The following FAM83F variants were observed in gnomAD, a reference collection of about 807,000 sequenced individuals.
FAM83F encodes protein FAM83F.
A neutral mutation model predicts 42.9 loss-of-function variants in FAM83F; 45 were observed. The ratio of observed to expected loss-of-function variants is 1.05; its 90% confidence interval spans 0.83 to 1.35. The LOEUF (loss-of-function observed/expected upper bound fraction) is 1.35. FAM83F is among the 40% of genes most tolerant of loss of function. FAM83F has a pLI of 0.00. For missense variants in FAM83F, 617 were observed against 695.9 expected (o/e 0.89, Z 1.28); for synonymous variants, 306 against 298.3 (o/e 1.03, Z -0.27).
chr22:40,028,857 A>C (rs1428224264), intron 4 of FAM83F, among the ~76,000 whole-genome samples: 1 of 152,196 alleles, frequency 6.6e-6, no homozygotes, highest in Non-Finnish European at 1.5e-5. Context: ...CTGAGGCGCC[A>C]GCTTTCCTTC....
chr22:40,021,610 CG>C lies in FAM83F; in HGVS notation c.1102del (p.Ala368ProfsTer8). Reference sequence around the variant, plus strand: ...GAGGAGGGCGCCAGCGGTGGCGAGTCGGCCTGGCGCCTGGAGAGCTTCCTGA... The same window carrying C: ...GAGGAGGGCGCCAGCGGTGGCGAGTCGCCTGGCGCCTGGAGAGCTTCCTGA... The part of the protein sequence containing the change: ...GQEEGASGGE[S>X]AWRLESFLKD... On this transcript the variant is annotated frameshift_variant, in exon 4 of 5. Coordinates refer to ENST00000333407, the MANE Select transcript of FAM83F (RefSeq NM_138435.4). LOFTEE classifies it high-confidence loss of function. This position sits in a 1 kb window ranked among gnomAD's most constrained non-coding sequence, Gnocchi z 8.7. The C allele has an allele frequency of 6.3e-7, 1 of 1,582,626 alleles. No individual in the cohort carries two copies. Among genetic ancestry groups the C allele is most frequent in the Non-Finnish European group, 8.6e-7 (1 of 1,159,382 alleles).
chr22:39,997,061 T>C (rs1039248842), intron 1 of FAM83F, among the ~76,000 whole-genome samples: 8 of 152,228 alleles, frequency 5.3e-5, no homozygotes, highest in African/African-American at 1.9e-4. Context: ...CGGGTGAATA[T>C]GTGTTTTCCT....
chr22:40,040,830 C>T lies in FAM83F; in HGVS notation c.*11265C>T, dbSNP rs1417477349. The T allele has an allele frequency of 6.6e-6, 1 of 152,184 alleles. No individual in the cohort carries two copies. The highest frequency in any genetic ancestry group is 1.5e-5 in the Non-Finnish European group (1 of 68,026). The allele number at this position is 152,184 out of a possible 1,614,324, so 9.4% of individuals were successfully genotyped here. The stretch of plus-strand genomic sequence containing the variant: ...GGGATCTTCCCATTGTTATAAGCTT[C>T]AAGAATTGGAGAATGCTTAATGAAC... On this transcript the variant is annotated 3_prime_UTR_variant, in exon 5 of 5. Transcript: ENST00000333407.
At position 40,042,696 on chromosome 22, in the gene FAM83F, GTAAT is replaced by G. The variant is rs1165659676; in HGVS notation, c.*13134_*13137del. The G allele has an allele frequency of 2.6e-5, 4 of 152,306 alleles. No homozygotes were observed. Among genetic ancestry groups the G allele is most frequent in the East Asian group, 1.9e-4 (1 of 5,188 alleles). 9.4% of individuals were successfully genotyped at this position (152,306 alleles called of 1,614,324 possible). A position where few individuals can be genotyped will look rare whatever the true frequency, so the allele number is the denominator to read the frequency against. ...GACATGCTCACTAAACATTTACTGA[GTAAT>G]TATTTATTTGGGGGCCTTTTACGAT... On this transcript the variant is annotated 3_prime_UTR_variant, in exon 5 of 5. Transcript: ENST00000333407.
chr22:40,001,102 C>T (rs9623103), intron 1 of FAM83F, among the ~76,000 whole-genome samples: 2,781 of 152,300 alleles, frequency 0.018, 86 homozygotes, highest in African/African-American at 0.063. Flanking sequence ...AAGCCCTGGA[C>T]GAATTGGCTA....
chr22:40,025,105 C>T (rs2067544312), intron 4 of FAM83F, among the ~76,000 whole-genome samples: 1 of 152,236 alleles, frequency 6.6e-6, no homozygotes, highest in Non-Finnish European at 1.5e-5. Flanking sequence ...CACAGAGCAG[C>T]CTCAGTGGAG....
intron 1 of FAM83F, among the ~76,000 whole-genome samples, chr22:40,014,131 CTTT>C (rs57224519): frequency 1.7e-5 from 2 of 116,812 alleles, no homozygotes; most frequent in African/African-American, 6.7e-5. Context: ...TATTTCTTTT[CTTT>C]TTTTTTTTTT....
Position 40,036,114 on chromosome 22 carries a change from A to G in FAM83F, c.*6549A>G, listed in dbSNP as rs926560192. On this transcript the variant is annotated 3_prime_UTR_variant, in exon 5 of 5. Coordinates refer to ENST00000333407, the MANE Select transcript of FAM83F (RefSeq NM_138435.4). Reference sequence around the variant, plus strand: ...CTGCAGCCTCAAACTCCTGGGCTCAATGAGTTCCTTGAGATCTTCCATCCT... The same window carrying G: ...CTGCAGCCTCAAACTCCTGGGCTCAGTGAGTTCCTTGAGATCTTCCATCCT... 1 of 152,122 alleles carries G rather than the reference A, an allele frequency of 6.6e-6. No individual in the cohort carries two copies. 9.4% of individuals were successfully genotyped at this position (152,122 alleles called of 1,614,324 possible).
intron 1 of FAM83F, among the ~76,000 whole-genome samples, chr22:39,999,552 GGTCTT>G (rs2067387896): frequency 6.6e-6 from 1 of 152,138 alleles, no homozygotes; most frequent in Non-Finnish European, 1.5e-5. Context: ...CGTAAGGCAG[GGTCTT>G]GTCTTCATTA....
rs1052291683 is a variant in FAM83F at position 40,035,536 on chromosome 22, T to C, written c.*5971T>C. 13 of 152,286 alleles carry C rather than the reference T, an allele frequency of 8.5e-5. No individual in the cohort carries two copies. The highest frequency in any genetic ancestry group is 3.1e-4 in the African/African-American group (13 of 41,462). 9.4% of individuals were successfully genotyped at this position (152,286 alleles called of 1,614,324 possible). ...ACCCATTTATTCATCCGGTGGATATTTGCTGGGTGCCCGGCCTGGGGATCC... is the reference window on the plus strand; with the variant it reads ...ACCCATTTATTCATCCGGTGGATATCTGCTGGGTGCCCGGCCTGGGGATCC... On this transcript the variant is annotated 3_prime_UTR_variant, in exon 5 of 5. Coordinates refer to ENST00000333407, the MANE Select transcript of FAM83F (RefSeq NM_138435.4).
Position 40,019,894 on chromosome 22 carries a change from G to T in FAM83F, c.665G>T (p.Arg222Leu). 2 of 1,611,864 alleles carry T rather than the reference G, an allele frequency of 1.2e-6. No homozygotes were observed. The highest frequency in any genetic ancestry group is 1.7e-6 in the Non-Finnish European group (2 of 1,178,982). Residue 222 changes from arginine to leucine, a missense_variant, in exon 3 of 5, where the codon CGT becomes CTT. By Grantham distance (102) the Arg-to-Leu change is moderately radical. Coordinates refer to ENST00000333407, the MANE Select transcript of FAM83F (RefSeq NM_138435.4). ...QLTDFRIRNIRVRSVTGVGFY... is the reference protein window; with the variant it reads ...QLTDFRIRNILVRSVTGVGFY... Reference sequence around the variant, plus strand: ...TTCTGCTCTTCCCAACAGAACATCCGTGTCCGCTCTGTGACAGGCGTCGGC... The same window carrying T: ...TTCTGCTCTTCCCAACAGAACATCCTTGTCCGCTCTGTGACAGGCGTCGGC...
Position 40,032,200 on chromosome 22 carries a change from G to A in FAM83F, c.*2635G>A, listed in dbSNP as rs2067592565. 2 of 151,258 alleles carry A rather than the reference G, an allele frequency of 1.3e-5. No homozygotes were observed. The highest frequency in any genetic ancestry group is 1.3e-4 in the Admixed American group (2 of 15,122). The allele number at this position is 151,258 out of a possible 1,614,324, so 9.4% of individuals were successfully genotyped here. On this transcript the variant is annotated 3_prime_UTR_variant, in exon 5 of 5. Coordinates refer to ENST00000333407, the MANE Select transcript of FAM83F (RefSeq NM_138435.4). The stretch of plus-strand genomic sequence containing the variant: ...CACCCCACACCACCACCAAGCTGCT[G>A]TCTTTCTGAGTCAGCTTCTGTAGGG...
intron 1 of FAM83F, among the ~76,000 whole-genome samples, chr22:40,012,625 C>G (rs1255188700): frequency 6.7e-6 from 1 of 148,368 alleles, no homozygotes; most frequent in Non-Finnish European, 1.5e-5. Flanking sequence ...CAAAAATTAG[C>G]TGGGCGTGAT....
Position 39,995,658 on chromosome 22 carries a change from C to T in FAM83F, c.489+127C>T, listed in dbSNP as rs2067370971. 72 of 1,394,866 alleles carry T rather than the reference C, an allele frequency of 5.2e-5. No individual in the cohort carries two copies. Among genetic ancestry groups the T allele is most frequent in the Non-Finnish European group, 6.5e-5 (69 of 1,062,486 alleles). The allele number at this position is 1,394,866 out of a possible 1,614,324, so 86.4% of individuals were successfully genotyped here. On this transcript the variant is annotated intron_variant, in intron 1 of 4. Coordinates refer to ENST00000333407, the MANE Select transcript of FAM83F (RefSeq NM_138435.4). This position sits in a 1 kb window ranked among gnomAD's most constrained non-coding sequence, Gnocchi z 4.6. The stretch of plus-strand genomic sequence containing the variant: ...ACCCTCTGGAAAATGGGCCCCAACC[C>T]GCCCCTACTTCCTGGGGCTGCAGTG...
At chr22:39,999,727 A>G (rs2067389292) in intron 1 of FAM83F, among the ~76,000 whole-genome samples, 1 of 152,184 alleles carries the variant, frequency 6.6e-6, no homozygotes, top group Non-Finnish European at 1.5e-5. Flanking sequence ...AGGCTGCTGG[A>G]GTAGGTAACC....
rs1229063741 is a variant in FAM83F at position 40,034,612 on chromosome 22, A to C, written c.*5047A>C. On this transcript the variant is annotated 3_prime_UTR_variant, in exon 5 of 5. Coordinates refer to ENST00000333407, the MANE Select transcript of FAM83F (RefSeq NM_138435.4). ...AGCCTGGAGAGCGGGCTTTGTGAGC[A>C]CTGGTGCCTCACCTGCCTGGCTCAG... 6.6e-6 allele frequency: 1 copy of C among 152,208 alleles called. No individual in the cohort carries two copies. Among genetic ancestry groups the C allele is most frequent in the Non-Finnish European group, 1.5e-5 (1 of 68,036 alleles). The allele number at this position is 152,208 out of a possible 1,614,324, so 9.4% of individuals were successfully genotyped here.
intron 1 of FAM83F, among the ~76,000 whole-genome samples, chr22:39,999,285 T>C (rs915967895): frequency 5.9e-5 from 9 of 152,206 alleles, no homozygotes; most frequent in Admixed American, 5.9e-4. Context: ...GAAGCTGAGA[T>C]GGCACGAAGC....
At position 40,021,998 on chromosome 22, in the gene FAM83F, A is replaced by G. The variant is rs1026620018; in HGVS notation, c.1453+35A>G. ...CTTCCCTCTGGCCTGGTGCCTCCCC[A>G]GGCCTCTGGCCCTCGCCCCGCATCG... On this transcript the variant is annotated intron_variant, in intron 4 of 4. Transcript: ENST00000333407. This position sits in a 1 kb window ranked among gnomAD's most constrained non-coding sequence, Gnocchi z 8.7. The G allele has an allele frequency of 1.3e-6, 2 of 1,505,924 alleles. No individual in the cohort carries two copies. The highest frequency in any genetic ancestry group is 1.8e-6 in the Non-Finnish European group (2 of 1,128,398). The allele number at this position is 1,505,924 out of a possible 1,614,324, so 93.3% of individuals were successfully genotyped here.
intron 1 of FAM83F, among the ~76,000 whole-genome samples, chr22:40,004,057 G>A (rs1317612764): frequency 2.0e-5 from 3 of 152,006 alleles, no homozygotes; most frequent in African/African-American, 7.2e-5. Context: ...GAGATTCCTT[G>A]CATTTGCTCA....
Sources: gnomAD v4.1 joint callset for allele counts (sites outside exome capture counted in the v4.1 genomes callset) on GRCh38, gnomAD v4.1.1 for gene constraint, Gnocchi (gnomAD v3.1) non-coding constraint, MANE v1.5 for transcripts, NCBI Gene and HGNC (gene_info 2026-07-23, HGNC 2026-07-21) for gene names.